Variants in PPP1R12B observed in about 807,000 individuals in gnomAD.
PPP1R12B encodes protein phosphatase 1 regulatory subunit 12B.
A neutral mutation model predicts 126.1 loss-of-function variants in PPP1R12B; 76 were observed. The observed-to-expected ratio is 0.60, with a 90% CI of 0.50 to 0.73. The LOEUF (loss-of-function observed/expected upper bound fraction) is 0.73, where lower values mean the gene tolerates loss of function less well. PPP1R12B is among the 30% of genes least tolerant of loss of function. The pLI, the probability that PPP1R12B is intolerant of heterozygous loss-of-function variation, is 0.00. For missense variants in PPP1R12B, 1,052 were observed against 1,205.1 expected, an observed-to-expected ratio of 0.87 and a Z score of 1.88; for synonymous variants, 356 against 434.7, an observed-to-expected ratio of 0.82 and a Z score of 2.25.
intron 18 of PPP1R12B, among the ~76,000 whole-genome samples, chr1:202,531,317 ATTGT>A (rs1399837903): frequency 1.3e-5 from 2 of 152,220 alleles, no homozygotes; most frequent in Admixed American, 6.5e-5. Flanking sequence ...TTAAAAATAA[ATTGT>A]TTGTTTAGTA....
chr1:202,524,462 C>T (rs892450729), intron 18 of PPP1R12B, among the ~76,000 whole-genome samples: 8 of 152,122 alleles, frequency 5.3e-5, no homozygotes, highest in African/African-American at 1.2e-4. Flanking sequence ...TTGGTGCACC[C>T]ATCATCCAAG....
chr1:202,499,030 A>G (rs1245994717), intron 18 of PPP1R12B, among the ~76,000 whole-genome samples: 1 of 152,132 alleles, frequency 6.6e-6, no homozygotes, highest in African/African-American at 2.4e-5. Context: ...ATAATTTACA[A>G]TTAATGCACA....
In PPP1R12B at chr1:202,562,922, A is replaced by C; in HGVS notation, c.2652A>C (p.Lys884Asn). 1.3e-6 allele frequency: 2 copies of C among 1,563,768 alleles called. No individual in the cohort carries two copies. Among genetic ancestry groups the C allele is most frequent in the Non-Finnish European group, 8.6e-7 (1 of 1,159,832 alleles). The change falls in exon 20 of 24, where the codon AAA becomes AAC. Residue 884 changes from lysine to asparagine, a missense_variant and splice_region_variant. Coordinates refer to ENST00000608999, the MANE Select transcript of PPP1R12B (RefSeq NM_002481.4). ...VEEDSNRDYK[K>N]LYESALTENQ... ...AAGACAGCAACAGAGATTATAAAAAAGTAGGGTCTTTATTCAATTTTCCGG... is the reference window on the plus strand; with the variant it reads ...AAGACAGCAACAGAGATTATAAAAACGTAGGGTCTTTATTCAATTTTCCGG...
intron 18 of PPP1R12B, among the ~76,000 whole-genome samples, chr1:202,540,746 G>A (rs1012766697): frequency 2.0e-5 from 3 of 152,152 alleles, no homozygotes; most frequent in Non-Finnish European, 2.9e-5. Flanking sequence ...TGCCTATTTT[G>A]TATGTCTGTC....
At chr1:202,501,039 A>T (rs1290268270) in intron 18 of PPP1R12B, among the ~76,000 whole-genome samples, 1 of 152,210 alleles carries the variant, frequency 6.6e-6, no homozygotes, top group Non-Finnish European at 1.5e-5. Flanking sequence ...TGAATATGTA[A>T]AATTGACATC....
intron 8 of PPP1R12B, among the ~76,000 whole-genome samples, chr1:202,431,977 GTAA>G (rs928157492): frequency 1.3e-5 from 2 of 152,086 alleles, no homozygotes; most frequent in African/African-American, 4.8e-5. Flanking sequence ...AAAAGAAAAG[GTAA>G]TAATTCTTAT....
At chr1:202,527,649 C>T (rs1350149292) in intron 18 of PPP1R12B, among the ~76,000 whole-genome samples, 6 of 151,962 alleles carry the variant, frequency 3.9e-5, no homozygotes, top group Admixed American at 6.6e-5. Flanking sequence ...AAAGAAGTCC[C>T]GTAACCTTTA....
At chr1:202,560,986 C>CT (rs1687462755) in intron 19 of PPP1R12B, among the ~76,000 whole-genome samples, 3 of 151,442 alleles carry the variant, frequency 2.0e-5, no homozygotes, top group Non-Finnish European at 4.4e-5. Flanking sequence ...ACATTGTGCA[C>CT]ATGTACCCTA....
intron 1 of PPP1R12B, among the ~76,000 whole-genome samples, chr1:202,394,846 G>T (rs1212928511): frequency 1.3e-5 from 2 of 151,976 alleles, no homozygotes; most frequent in Non-Finnish European, 2.9e-5. Context: ...ATTTGGGCTG[G>T]ACCTGGTGGT....
chr1:202,490,649 T>C (rs1678733606), intron 14 of PPP1R12B, among the ~76,000 whole-genome samples: 1 of 152,212 alleles, frequency 6.6e-6, no homozygotes, highest in Non-Finnish European at 1.5e-5. Flanking sequence ...CCCATTTCCC[T>C]CTGGCAACGC....
chr1:202,363,101 T>C (rs1334674658), intron 1 of PPP1R12B, among the ~76,000 whole-genome samples: 4 of 152,236 alleles, frequency 2.6e-5, no homozygotes, highest in Non-Finnish European at 4.4e-5. Flanking sequence ...CCCAAAGTGC[T>C]GGGATTGCAG....
chr1:202,405,313 T>G (rs1483420837), intron 1 of PPP1R12B, among the ~76,000 whole-genome samples: 1 of 152,190 alleles, frequency 6.6e-6, no homozygotes, highest in Non-Finnish European at 1.5e-5. Context: ...CCTCTAATCC[T>G]AACTTAAATT....
rs754257439 is a variant in PPP1R12B at position 202,348,998 on chromosome 1, C to A, written c.147C>A (p.Arg49=). Residue 49 remains arginine, a synonymous_variant, in exon 1 of 24, where the codon CGC becomes CGA. Transcript: ENST00000608999. ...RGAGRQPLTR[R]GSPRVRFEDG... ...CGGGGCGGCAGCCGCTGACCAGGCG[C>A]GGGAGCCCCAGGGTCCGCTTCGAGG... 1 of 1,607,070 alleles carries A rather than the reference C, an allele frequency of 6.2e-7. No homozygotes were observed. Among genetic ancestry groups the A allele is most frequent in the African/African-American group, 1.3e-5 (1 of 74,898 alleles).
At chr1:202,507,443 G>A (rs1252941163) in intron 18 of PPP1R12B, among the ~76,000 whole-genome samples, 1 of 152,118 alleles carries the variant, frequency 6.6e-6, no homozygotes, top group Non-Finnish European at 1.5e-5. Context: ...GTAAGGGGGT[G>A]TTAAAAATAT....
intron 18 of PPP1R12B, among the ~76,000 whole-genome samples, chr1:202,546,122 A>T (rs546557725): frequency 6.6e-6 from 1 of 152,342 alleles, no homozygotes; most frequent in South Asian, 2.1e-4. Context: ...TGATTGCAGT[A>T]TTCCGGGTGA....
chr1:202,469,615 G>A (rs1443086649), intron 13 of PPP1R12B, among the ~76,000 whole-genome samples: 2 of 151,706 alleles, frequency 1.3e-5, no homozygotes, highest in South Asian at 2.1e-4. Context: ...GTCAAAATTC[G>A]AACTCACAGA....
At position 202,353,629 on chromosome 1, in the gene PPP1R12B, T is replaced by TGTGTGTGTGTGAGA. The variant is rs540599307; in HGVS notation, c.291+4488_291+4489insTGTGTGTGTGAGAG. ...GTGTGTGTGTGTGTGTGTGTGTGTG[T>TGTGTGTGTGTGAGA]GACAGGGTCTTGCCCTGTTACCCAG... On this transcript the variant is annotated intron_variant, in intron 1 of 23. Transcript: ENST00000608999. Among the ~76,000 whole-genome samples the TGTGTGTGTGTGAGA allele has an allele frequency of 2.2e-5, 3 of 138,266 alleles. No individual in the cohort carries two copies. In the East Asian group the frequency reaches 6.6e-4, roughly 31 times the overall value. The allele number at this position is 138,266 out of a possible 152,430, so 90.7% of individuals were successfully genotyped here.
chr1:202,425,494 C>A, intron 3 of PPP1R12B, 72 bp from the exon 4 acceptor site: 2 of 1,495,582 alleles, frequency 1.3e-6, no homozygotes, highest in Non-Finnish European at 9.2e-7. Flanking sequence ...GTGCTTTAAT[C>A]TAAGGAAAAT....
At chr1:202,572,348 C>T (rs1266086744) in intron 23 of PPP1R12B, among the ~76,000 whole-genome samples, 4 of 152,116 alleles carry the variant, frequency 2.6e-5, no homozygotes, top group Non-Finnish European at 5.9e-5. Flanking sequence ...TAGTAGGTTA[C>T]TCAAGGAAAG....
Sources: allele counts gnomAD v4.1 joint callset (sites outside exome capture counted in the v4.1 genomes callset), GRCh38; gene constraint gnomAD v4.1.1; transcripts MANE v1.5; gene names NCBI Gene and HGNC (gene_info 2026-07-23, HGNC 2026-07-21).